ERBIN: variants seen among roughly 807,000 people sequenced by gnomAD.
ERBIN encodes the protein densin-180-like protein.
ERBIN carries 60 observed loss-of-function variants against 158.4 expected under a neutral mutation model. The observed-to-expected ratio is 0.38, with a 90% CI of 0.31 to 0.47. ERBIN has a LOEUF of 0.47. Ranked by LOEUF, ERBIN falls within the 20% of genes least tolerant of loss-of-function variation. The pLI, the probability that ERBIN is intolerant of heterozygous loss-of-function variation, is 0.99. For synonymous variants in ERBIN, 594 were observed against 557.2 expected (o/e 1.07, Z -0.93); for missense variants, 1,610 against 1,648.0 (o/e 0.98, Z 0.40).
chr5:66,067,481 G>A (rs892166758), intron 21 of ERBIN, among the ~76,000 whole-genome samples: 1 of 152,202 alleles, frequency 6.6e-6, no homozygotes, highest in African/African-American at 2.4e-5. Context: ...TGGAAGAACG[G>A]CAGTTCATAA....
At chr5:66,040,185 C>T (rs7706589) in intron 15 of ERBIN, among the ~76,000 whole-genome samples, 8,760 of 151,908 alleles carry the variant, frequency 0.058, 883 homozygotes, top group African/African-American at 0.2. Flanking sequence ...TCATTAGTTG[C>T]TTCTCACAAA....
chr5:66,065,136 G>A (rs1337348307), intron 21 of ERBIN, among the ~76,000 whole-genome samples: 4 of 152,182 alleles, frequency 2.6e-5, no homozygotes, highest in Non-Finnish European at 5.9e-5. Flanking sequence ...CTGTGTGCAA[G>A]TAACATGGAA....
chr5:65,965,982 C>T lies in ERBIN; in HGVS notation c.-57-22653C>T, dbSNP rs1748575621. On this transcript the variant is annotated intron_variant, in intron 1 of 25. Transcript: ENST00000284037. ...GCAAATAAAATGACGGTGCAGTTAA[C>T]CTCTACTATAACAAGGTATGTTAGG... Among the ~76,000 whole-genome samples the T allele has an allele frequency of 5.3e-5, 8 of 152,150 alleles. No individual in the cohort carries two copies. The South Asian group carries it at 1.7e-3, about 31-fold the overall frequency.
At chr5:65,941,079 G>C (rs934559973) in intron 1 of ERBIN, among the ~76,000 whole-genome samples, 2 of 152,048 alleles carry the variant, frequency 1.3e-5, no homozygotes, top group African/African-American at 4.8e-5. Flanking sequence ...GATTAATGGT[G>C]GTGCAAGATG....
At position 65,974,072 on chromosome 5, in the gene ERBIN, A is replaced by G. The variant is rs138746623; in HGVS notation, c.-57-14563A>G. On this transcript the variant is annotated intron_variant, in intron 1 of 25. Coordinates refer to ENST00000284037, the MANE Select transcript of ERBIN (RefSeq NM_001253697.2). ...CAACATAGCGAAACTCCATCTCTAC[A>G]AAATAAAAACTAAAAAAATAACCCT... 1.6e-3 allele frequency among the ~76,000 whole-genome samples: 248 copies of G among 151,312 alleles called. 14 individuals carry two copies. Among genetic ancestry groups the G allele is most frequent in the African/African-American group, 6.0e-3 (242 of 40,650 alleles).
Position 66,054,392 on chromosome 5 carries a change from C to T in ERBIN, c.3074C>T (p.Ser1025Phe), listed in dbSNP as rs142349499. The T allele has an allele frequency of 1.2e-6, 2 of 1,614,184 alleles. No individual in the cohort carries two copies. The highest frequency in any genetic ancestry group is 1.3e-5 in the African/African-American group (1 of 75,058). Residue 1025 changes from serine to phenylalanine, a missense_variant, in exon 21 of 26, where the codon TCT (serine) becomes TTT (phenylalanine). Ser to Phe is a radical substitution (Grantham distance 155). Around this residue, in one of 2 missense-constraint regions of ERBIN, gnomAD observed 1,014 missense variants for 936.1 expected, o/e 1.08. Transcript: ENST00000284037. ...STENQSYAKH[S>F]ANMNFSNHNN... ...GAAAATCAAAGTTATGCTAAACATT[C>T]TGCCAATATGAATTTCTCTAATCAT...
intron 1 of ERBIN, among the ~76,000 whole-genome samples, chr5:65,968,999 T>G (rs949333855): frequency 2.0e-5 from 3 of 152,240 alleles, no homozygotes; most frequent in Non-Finnish European, 4.4e-5. Flanking sequence ...GTCTCTTCCC[T>G]TCTTTTAGTA....
intron 1 of ERBIN, among the ~76,000 whole-genome samples, chr5:65,969,194 A>G (rs1251556932): frequency 6.6e-6 from 1 of 152,210 alleles, no homozygotes; most frequent in Non-Finnish European, 1.5e-5. Context: ...CCCACACCCA[A>G]TAAAACAGGT....
rs1214129891 is a variant in ERBIN, at chr5:66,080,934, A to AAACT, written c.*2407_*2410dup. ...CCAAGTTTTCTTTGAAAGTATTGGAAAACTAAAATTAAATGACAAGGACTT... is the reference window on the plus strand; with the variant it reads ...CCAAGTTTTCTTTGAAAGTATTGGAAAACTAACTAAAATTAAATGACAAGGACTT... On this transcript the variant is annotated 3_prime_UTR_variant, in exon 26 of 26. Coordinates refer to ENST00000284037, the MANE Select transcript of ERBIN (RefSeq NM_001253697.2). The AAACT allele has an allele frequency of 1.3e-5, 2 of 152,068 alleles. No individual in the cohort carries two copies. The highest frequency in any genetic ancestry group is 2.9e-5 in the Non-Finnish European group (2 of 67,900). The allele number at this position is 152,068 out of a possible 1,614,324, so 9.4% of individuals were successfully genotyped here.
intron 22 of ERBIN, among the ~76,000 whole-genome samples, chr5:66,073,041 A>G (rs1334309413): frequency 6.6e-6 from 1 of 152,140 alleles, no homozygotes; most frequent in Non-Finnish European, 1.5e-5. Context: ...GAGCTTTGTC[A>G]TCCAGTTTTT....
At chr5:66,071,201 C>G (rs1328383440) in intron 21 of ERBIN, among the ~76,000 whole-genome samples, 2 of 151,990 alleles carry the variant, frequency 1.3e-5, no homozygotes, top group Non-Finnish European at 2.9e-5. Flanking sequence ...CCCCTCCCCG[C>G]CTACAAAAAT....
Position 66,054,202 on chromosome 5 carries a change from A to C in ERBIN, c.2884A>C (p.Thr962Pro). 2 of 1,614,172 alleles carry C rather than the reference A, an allele frequency of 1.2e-6. No individual in the cohort carries two copies. Among genetic ancestry groups the C allele is most frequent in the Middle Eastern group, 1.6e-4 (1 of 6,062 alleles). The change falls in exon 21 of 26, where the codon ACA becomes CCA. Residue 962 changes from threonine (T) to proline (P), a missense_variant. Thr to Pro is a conservative substitution (Grantham distance 38). Transcript: ENST00000284037. ...PEEPNIIRGP[T>P]SGPQSAPQIY... is the part of the protein sequence containing the mutation. The stretch of plus-strand genomic sequence containing the variant: ...AGAGCCAAATATAATAAGAGGCCCC[A>C]CAAGTGGCCCACAATCTGCACCTCA...
intron 1 of ERBIN, among the ~76,000 whole-genome samples, chr5:65,945,028 A>C (rs568645121): frequency 1.2e-3 from 178 of 152,356 alleles, no homozygotes; most frequent in Non-Finnish European, 2.1e-3. Flanking sequence ...CTGTATCTTG[A>C]TCACATTTAT....
chr5:65,959,587 C>T (rs1747689520), intron 1 of ERBIN, among the ~76,000 whole-genome samples: 1 of 152,124 alleles, frequency 6.6e-6, no homozygotes, highest in African/African-American at 2.4e-5. Context: ...TCATAGTTCT[C>T]AAATACAAAT....
chr5:65,962,138 T>C (rs903173974), intron 1 of ERBIN, among the ~76,000 whole-genome samples: 3 of 152,212 alleles, frequency 2.0e-5, no homozygotes, highest in African/African-American at 4.8e-5. Context: ...ATATTAAAGA[T>C]GATATCTGAA....
At chr5:65,959,877 T>G (rs995713819) in intron 1 of ERBIN, among the ~76,000 whole-genome samples, 12 of 152,224 alleles carry the variant, frequency 7.9e-5, no homozygotes, top group African/African-American at 2.7e-4. Context: ...TACTTTGCCA[T>G]GACCTCATTA....
chr5:66,078,214 G>C (rs1762191767), intron 25 of ERBIN, among the ~76,000 whole-genome samples: 1 of 152,126 alleles, frequency 6.6e-6, no homozygotes, highest in African/African-American at 2.4e-5. Flanking sequence ...TGCTACATAA[G>C]AATTGGCTGA....
intron 4 of ERBIN, among the ~76,000 whole-genome samples, chr5:65,997,858 T>A (rs528297829): frequency 6.6e-6 from 1 of 152,256 alleles, no homozygotes; most frequent in Admixed American, 6.5e-5. Flanking sequence ...ATTTTAGGGC[T>A]TATTAGAATT....
intron 1 of ERBIN, among the ~76,000 whole-genome samples, chr5:65,957,731 A>G (rs1265458328): frequency 6.6e-6 from 1 of 152,236 alleles, no homozygotes; most frequent in Non-Finnish European, 1.5e-5. Flanking sequence ...GCTGTTGGGT[A>G]CACCTCTAAG....
Sources: allele counts gnomAD v4.1 joint callset (sites outside exome capture counted in the v4.1 genomes callset), GRCh38; gene constraint gnomAD v4.1.1; regional missense constraint gnomAD v4.1.1; transcripts MANE v1.5; gene names NCBI Gene and HGNC (gene_info 2026-07-23, HGNC 2026-07-21).